ROBO2: variants seen among roughly 807,000 people sequenced by gnomAD.
ROBO2 encodes roundabout homolog 2.
A neutral mutation model predicts 160.8 loss-of-function variants in ROBO2; 53 were observed. The observed-to-expected ratio is 0.33, with a 90% CI of 0.26 to 0.41. The LOEUF is 0.41. Ranked by LOEUF, ROBO2 falls within the 10% of genes least tolerant of loss-of-function variation. ROBO2 has a pLI of 1.00. For missense variants in ROBO2, 1,577 were observed against 1,722.4 expected (o/e 0.92, Z 1.49); for synonymous variants, 664 against 611.7 (o/e 1.09, Z -1.26).
intron 2 of ROBO2, among the ~76,000 whole-genome samples, chr3:75,971,819 G>C (rs150281921): frequency 5.9e-5 from 9 of 151,320 alleles, no homozygotes; most frequent in Admixed American, 4.0e-4. Context: ...TCACAAAAAG[G>C]GTTGCTACAA....
chr3:77,063,647 C>G (rs1011874108), intron 1 of ROBO2, among the ~76,000 whole-genome samples: 3 of 152,172 alleles, frequency 2.0e-5, no homozygotes, highest in African/African-American at 7.2e-5. Flanking sequence ...GTGAAGAGCT[C>G]TTTGCTCTTA....
chr3:76,009,641 C>T (rs2066137391), intron 2 of ROBO2, among the ~76,000 whole-genome samples: 1 of 152,164 alleles, frequency 6.6e-6, no homozygotes. Flanking sequence ...TAATTTTATA[C>T]ATTTTTCTAA....
At chr3:77,386,100 C>T (rs1222706786) in intron 2 of ROBO2, among the ~76,000 whole-genome samples, 1 of 152,182 alleles carries the variant, frequency 6.6e-6, no homozygotes, top group Non-Finnish European at 1.5e-5. Context: ...AGTACATCCA[C>T]TGCGTACTGT....
chr3:76,776,571 C>A (rs1179875262), intron 2 of ROBO2, among the ~76,000 whole-genome samples: 1 of 150,838 alleles, frequency 6.6e-6, no homozygotes, highest in Non-Finnish European at 1.5e-5. Flanking sequence ...TATGCCATTG[C>A]ACTTTTTCAT....
chr3:77,321,266 C>T (rs2064664800), intron 2 of ROBO2, among the ~76,000 whole-genome samples: 1 of 152,182 alleles, frequency 6.6e-6, no homozygotes, highest in African/African-American at 2.4e-5. Flanking sequence ...CCTTTAAACC[C>T]AGCACTTTAA....
chr3:76,267,749 T>C lies in ROBO2; in HGVS notation c.109+330147T>C, dbSNP rs370023085. Among the ~76,000 whole-genome samples the C allele has an allele frequency of 2.6e-5, 4 of 152,158 alleles. No homozygotes were observed. In the East Asian group the frequency reaches 7.7e-4, roughly 29 times the overall value. On this transcript the variant is annotated intron_variant, in intron 2 of 26. Coordinates refer to the ROBO2 transcript ENST00000487694. ...ATTACAATATAATGTTAGAATACTT[T>C]AATGATTCTTAATGGTTAAGCAAAT...
At chr3:77,625,109 T>C (rs760066680) in intron 23 of ROBO2, among the ~76,000 whole-genome samples, 20 of 152,264 alleles carry the variant, frequency 1.3e-4, no homozygotes, top group Middle Eastern at 3.4e-3. Flanking sequence ...AACTAATTTG[T>C]GAGGGATCTC....
chr3:76,075,832 A>G (rs1490758795), intron 2 of ROBO2, among the ~76,000 whole-genome samples: 1 of 152,208 alleles, frequency 6.6e-6, no homozygotes, highest in Non-Finnish European at 1.5e-5. Flanking sequence ...CTATGAGGCA[A>G]TTGTCTCGTA....
At chr3:77,117,725 T>C (rs2074346770) in intron 2 of ROBO2, among the ~76,000 whole-genome samples, 1 of 152,192 alleles carries the variant, frequency 6.6e-6, no homozygotes, top group Non-Finnish European at 1.5e-5. Flanking sequence ...ACATTGTAAC[T>C]TTTATTTTGG....
intron 24 of ROBO2, among the ~76,000 whole-genome samples, chr3:77,638,828 T>TTC (rs1356271331): frequency 3.2e-4 from 46 of 145,124 alleles, no homozygotes; most frequent in African/African-American, 9.5e-4. Flanking sequence ...CTTTTTTTTT[T>TTC]TTTTTTTTTT....
Position 76,582,737 on chromosome 3 carries a change from G to C in ROBO2, c.110-515277G>C, listed in dbSNP as rs553106421. Among the ~76,000 whole-genome samples, 6 of 152,186 alleles carry C rather than the reference G, an allele frequency of 3.9e-5. No homozygotes were observed. The South Asian group carries it at 1.2e-3, about 32-fold the overall frequency. On this transcript the variant is annotated intron_variant, in intron 2 of 26. Transcript: ENST00000487694. The stretch of plus-strand genomic sequence containing the variant: ...AGTGTTGGTGGTCAGTATGGTTAGA[G>C]TCACATTTAAGGCAGTAGCAATGGT...
At chr3:77,271,197 A>C (rs1169179942) in intron 2 of ROBO2, among the ~76,000 whole-genome samples, 1 of 152,166 alleles carries the variant, frequency 6.6e-6, no homozygotes, top group Non-Finnish European at 1.5e-5. Flanking sequence ...TTAGAATGAT[A>C]ACATTGAATA....
At chr3:75,935,809 C>A (rs2106989758) in intron 1 of ROBO2, among the ~76,000 whole-genome samples, 1 of 152,180 alleles carries the variant, frequency 6.6e-6, no homozygotes, top group African/African-American at 2.4e-5. Flanking sequence ...GAACTAAATT[C>A]CTGCTTAGTG....
intron 2 of ROBO2, among the ~76,000 whole-genome samples, chr3:76,247,528 C>A (rs760009592): frequency 2.0e-5 from 3 of 152,066 alleles, no homozygotes; most frequent in Non-Finnish European, 4.4e-5. Flanking sequence ...CCTATCTATG[C>A]GCTATGACAC....
chr3:76,593,952 T>C (rs1419535772), intron 2 of ROBO2, among the ~76,000 whole-genome samples: 2 of 151,982 alleles, frequency 1.3e-5, no homozygotes, highest in South Asian at 2.1e-4. Flanking sequence ...ATTATTTACA[T>C]AGAAAAGCAT....
intron 2 of ROBO2, among the ~76,000 whole-genome samples, chr3:76,827,055 T>C (rs1358176776): frequency 2.6e-5 from 4 of 152,190 alleles, no homozygotes; most frequent in Non-Finnish European, 2.9e-5. Context: ...CACATGACAA[T>C]ATACGGTTAT....
chr3:76,755,172 T>C (rs760387359), intron 2 of ROBO2, among the ~76,000 whole-genome samples: 10 of 151,924 alleles, frequency 6.6e-5, no homozygotes, highest in Non-Finnish European at 1.3e-4. Context: ...TGTAATAAAT[T>C]CTAATACATA....
intron 2 of ROBO2, among the ~76,000 whole-genome samples, chr3:77,176,504 A>G (rs938656123): frequency 3.3e-5 from 5 of 152,004 alleles, no homozygotes. Flanking sequence ...ATGGAAGTCA[A>G]TAGATAAACG....
At chr3:76,466,557 C>T (rs2078372494) in intron 2 of ROBO2, among the ~76,000 whole-genome samples, 2 of 151,888 alleles carry the variant, frequency 1.3e-5, no homozygotes, top group African/African-American at 2.4e-5. Flanking sequence ...CAATGAAACA[C>T]TTGTTGCTCA....
Sources: gnomAD v4.1 joint callset for allele counts (sites outside exome capture counted in the v4.1 genomes callset) on GRCh38, gnomAD v4.1.1 for gene constraint, MANE v1.5 for transcripts, NCBI Gene and HGNC (gene_info 2026-07-23, HGNC 2026-07-21) for gene names.